Variants in ZNF469 observed in about 807,000 individuals in gnomAD.
The protein encoded by ZNF469 is zinc finger protein 469.
ZNF469 carries 1 observed loss-of-function variant against 1.0 expected under a neutral mutation model. That is an observed-to-expected ratio of 1.00 (90% CI 0.35 to 4.73). The LOEUF is 4.73. ZNF469 is among the 30% of genes most tolerant of loss of function. ZNF469 has a pLI of 0.16. For synonymous variants in ZNF469, 2,703 were observed against 2,363.4 expected (o/e 1.14, Z -4.17); for missense variants, 6,100 against 5,356.3 (o/e 1.14, Z -4.33).
the ZNF469 span, among the ~76,000 whole-genome samples, chr16:88,266,814 G>A: frequency 6.6e-6 from 1 of 152,242 alleles, no homozygotes; most frequent in African/African-American, 2.4e-5. Flanking sequence ...GACTTGCAGA[G>A]AGTTCCATCC....
At chr16:88,290,197 C>A in the ZNF469 span, among the ~76,000 whole-genome samples, 1 of 152,232 alleles carries the variant, frequency 6.6e-6, no homozygotes, top group Non-Finnish European at 1.5e-5. Context: ...TACGCTGCAC[C>A]ACTGTCGCGG....
At chr16:88,131,764 G>T in the ZNF469 span, among the ~76,000 whole-genome samples, 1 of 152,256 alleles carries the variant, frequency 6.6e-6, no homozygotes, top group Non-Finnish European at 1.5e-5. Context: ...TCTGTCCAGG[G>T]ATGGGGTCAG....
At chr16:88,374,220 G>A in the ZNF469 span, among the ~76,000 whole-genome samples, 1 of 152,196 alleles carries the variant, frequency 6.6e-6, no homozygotes, top group African/African-American at 2.4e-5. Flanking sequence ...TGCACAGCGA[G>A]ACACAGGACA....
At chr16:88,340,835 C>A in the ZNF469 span, among the ~76,000 whole-genome samples, 2 of 152,120 alleles carry the variant, frequency 1.3e-5, no homozygotes, top group African/African-American at 4.8e-5. Flanking sequence ...AGGTGTCAGG[C>A]AGAGCCACCC....
the ZNF469 span, among the ~76,000 whole-genome samples, chr16:88,280,573 T>C: frequency 1.3e-4 from 20 of 151,668 alleles, 1 homozygote; most frequent in African/African-American, 4.9e-4. Flanking sequence ...ATCAGTACTA[T>C]GCTGATGTTG....
At chr16:88,183,769 T>C in the ZNF469 span, among the ~76,000 whole-genome samples, 2,848 of 152,202 alleles carry the variant, frequency 0.019, 72 homozygotes, top group South Asian at 0.12. Context: ...ACCTGACTTG[T>C]AAAAGCAGCA....
chr16:88,263,970 C>T, the ZNF469 span, among the ~76,000 whole-genome samples: 22 of 152,110 alleles, frequency 1.4e-4, no homozygotes, highest in African/African-American at 5.1e-4. Context: ...TCACAGAAAG[C>T]GCTTCTCCAC....
the ZNF469 span, among the ~76,000 whole-genome samples, chr16:88,197,071 T>C: frequency 2.0e-5 from 3 of 152,238 alleles, no homozygotes; most frequent in African/African-American, 7.2e-5. Flanking sequence ...TTTTCAGGGA[T>C]GCTTCTGGCT....
chr16:88,195,033 A>AT, the ZNF469 span: 2 of 152,166 alleles, frequency 1.3e-5, no homozygotes, highest in Admixed American at 1.3e-4. Flanking sequence ...AGGCTGATGG[A>AT]TGGGCTTGTC....
the ZNF469 span, among the ~76,000 whole-genome samples, chr16:88,216,579 T>C: frequency 0.3 from 45,802 of 152,094 alleles, 7,590 homozygotes; most frequent in Non-Finnish European, 0.35. Context: ...TTATTGTTGA[T>C]TCTTGGAAGA....
At chr16:88,121,551 C>G in the ZNF469 span, among the ~76,000 whole-genome samples, 1 of 152,220 alleles carries the variant, frequency 6.6e-6, no homozygotes, top group Non-Finnish European at 1.5e-5. Context: ...GCTGTCACGT[C>G]ACAACCCCGG....
the ZNF469 span, among the ~76,000 whole-genome samples, chr16:88,144,931 C>T: frequency 1.3e-5 from 2 of 151,200 alleles, no homozygotes; most frequent in Admixed American, 1.3e-4. Flanking sequence ...CTCACTGCAA[C>T]CTCCGCCTTC....
chr16:88,146,031 C>T, the ZNF469 span, among the ~76,000 whole-genome samples: 5,209 of 152,344 alleles, frequency 0.034, 164 homozygotes, highest in Non-Finnish European at 0.048. Context: ...ACAGGAACAG[C>T]AGCTTCATCC....
Position 88,432,251 on chromosome 16 carries a change from TG to T in ZNF469, c.4784del (p.Gly1595AlafsTer144). 6.5e-7 allele frequency: 1 copy of T among 1,548,390 alleles called. No homozygotes were observed. Among genetic ancestry groups the T allele is most frequent in the Non-Finnish European group, 8.7e-7 (1 of 1,146,960 alleles). On this transcript the variant is annotated frameshift_variant, in exon 3 of 3. Transcript: ENST00000565624. LOFTEE classifies it low-confidence loss of function (END_TRUNC). Reference sequence around the variant, plus strand: ...AGAGAGCTTGCAGAAGCTGAGTCGGTGGGCAGGGTGGAGCTCGGCACAGGCA... The same window carrying T: ...AGAGAGCTTGCAGAAGCTGAGTCGGTGGCAGGGTGGAGCTCGGCACAGGCA... Reference protein sequence around the residue: ...APRELAEAESVGRVELGTGTE... With the variant: ...APRELAEAESXGRVELGTGTE...
chr16:88,434,843 C>A lies in ZNF469; in HGVS notation c.7373C>A (p.Thr2458Lys). ...SRGYKKKPAS[T>K]ENGQWKGQAP... ...GGCTATAAAAAGAAGCCTGCATCTACAGAGAACGGCCAGTGGAAGGGCCAA... is the reference window on the plus strand; with the variant it reads ...GGCTATAAAAAGAAGCCTGCATCTAAAGAGAACGGCCAGTGGAAGGGCCAA... The change falls in exon 3 of 3, where the codon ACA becomes AAA. Residue 2458 changes from threonine (T) to lysine (K), a missense_variant. Transcript: ENST00000565624. 1.3e-6 allele frequency: 2 copies of A among 1,550,374 alleles called. No homozygotes were observed. Among genetic ancestry groups the A allele is most frequent in the Non-Finnish European group, 1.7e-6 (2 of 1,146,988 alleles).
the ZNF469 span, among the ~76,000 whole-genome samples, chr16:88,290,708 C>G: frequency 6.6e-6 from 1 of 152,254 alleles, no homozygotes; most frequent in Non-Finnish European, 1.5e-5. Flanking sequence ...TCTGCCCAAT[C>G]TGGTTCTGCC....
the ZNF469 span, among the ~76,000 whole-genome samples, chr16:88,239,709 ATATATATTTTTTTTTTTTTT>A: frequency 6.0e-4 from 3 of 4,960 alleles, no homozygotes; most frequent in Admixed American, 4.0e-3. Context: ...ATATATATAT[ATATATATTTTTTTTTTTTTT>A]TTTTTTTTTT....
chr16:88,379,278 G>A (rs2092515492), upstream of ZNF469, among the ~76,000 whole-genome samples: 1 of 152,144 alleles, frequency 6.6e-6, no homozygotes, highest in Non-Finnish European at 1.5e-5. Context: ...CTGTGGGTAA[G>A]TCTAGTCAGC....
chr16:88,351,361 G>A, the ZNF469 span, among the ~76,000 whole-genome samples: 1 of 152,182 alleles, frequency 6.6e-6, no homozygotes, highest in Non-Finnish European at 1.5e-5. Context: ...AGGCCTCTGT[G>A]CAGGCCTCCA....
Sources: gnomAD v4.1 joint callset for allele counts (sites outside exome capture counted in the v4.1 genomes callset) on GRCh38, gnomAD v4.1.1 for gene constraint, MANE v1.5 for transcripts, NCBI Gene and HGNC (gene_info 2026-07-23, HGNC 2026-07-21) for gene names.